Variants in PKNOX1 observed in about 807,000 individuals in gnomAD.
The protein encoded by PKNOX1 is homeobox protein PKNOX1.
In PKNOX1, 15 loss-of-function variants were observed where a neutral mutation model predicts 51.9. The ratio of observed to expected loss-of-function variants is 0.29; its 90% CI spans 0.19 to 0.45. The LOEUF is 0.45. Ranked by LOEUF, PKNOX1 falls within the 20% of genes least tolerant of loss-of-function variation. The pLI is 1.00. For synonymous variants in PKNOX1, 219 were observed against 211.1 expected (o/e 1.04, Z -0.32); for missense variants, 462 against 547.5 (o/e 0.84, Z 1.56).
intron 5 of PKNOX1, among the ~76,000 whole-genome samples, chr21:43,016,085 C>T (rs1979475691): frequency 6.6e-6 from 1 of 152,224 alleles, no homozygotes; most frequent in African/African-American, 2.4e-5. Context: ...TAAGCTTACA[C>T]ATTCCGCTCG....
intron 1 of PKNOX1, among the ~76,000 whole-genome samples, chr21:43,001,631 CAT>C (rs1367404962): frequency 6.6e-6 from 1 of 152,170 alleles, no homozygotes; most frequent in Non-Finnish European, 1.5e-5. Flanking sequence ...TGAATGGTCT[CAT>C]AAAGTCTTAA....
intron 8 of PKNOX1, among the ~76,000 whole-genome samples, chr21:43,023,700 C>T (rs234717): frequency 0.24 from 36,203 of 151,624 alleles, 4,728 homozygotes; most frequent in Non-Finnish European, 0.29. Context: ...CTGCAACCTC[C>T]GCTTCCTGGG....
chr21:42,998,269 C>T (rs1040947993), intron 1 of PKNOX1, among the ~76,000 whole-genome samples: 13 of 152,116 alleles, frequency 8.5e-5, no homozygotes, highest in African/African-American at 2.2e-4. Flanking sequence ...GGGACTTATT[C>T]GCTATCATGA....
chr21:43,007,588 C>G lies in PKNOX1; in HGVS notation c.149C>G (p.Pro50Arg), dbSNP rs371041625. The G allele has an allele frequency of 6.2e-7, 1 of 1,614,012 alleles. No homozygotes were observed. The highest frequency in any genetic ancestry group is 1.3e-5 in the African/African-American group (1 of 74,902). The change falls in exon 3 of 11, where the codon CCG becomes CGG. Residue 50 changes from proline to arginine, a missense_variant. Around this residue, in one of 5 missense-constraint regions of PKNOX1, gnomAD observed 129 missense variants for 133.4 expected, o/e 0.97. Transcript: ENST00000291547. ...CCTCCCCCTGTGGAGTCTCAGACCC[C>G]GATGGATGTGGACAAGCAGGCCATT... ...VSPPPVESQT[P>R]MDVDKQAIYR...
intron 5 of PKNOX1, among the ~76,000 whole-genome samples, chr21:43,015,387 T>C (rs931516071): frequency 5.3e-5 from 8 of 152,264 alleles, no homozygotes; most frequent in Admixed American, 5.2e-4. Flanking sequence ...TTACATGGAT[T>C]GGTTTTTTGA....
At chr21:43,028,617 G>A in intron 9 of PKNOX1, 85 bp from the exon 10 acceptor site, 1 of 1,255,282 alleles carries the variant, frequency 8.0e-7, no homozygotes, top group Non-Finnish European at 1.1e-6. Flanking sequence ...TCGTAGAGCA[G>A]CGTGTTTGTT....
chr21:42,996,180 C>T (rs977937874), intron 1 of PKNOX1, among the ~76,000 whole-genome samples: 1 of 152,118 alleles, frequency 6.6e-6, no homozygotes, highest in Non-Finnish European at 1.5e-5. Flanking sequence ...GTACTCCAGC[C>T]TAGGTGACAG....
intron 1 of PKNOX1, among the ~76,000 whole-genome samples, chr21:42,975,465 C>T (rs916320804): frequency 3.3e-5 from 5 of 152,210 alleles, no homozygotes; most frequent in African/African-American, 1.2e-4. Flanking sequence ...TAATGGATGA[C>T]AGGAAGTGCC....
rs376485356 is a variant in PKNOX1 at position 43,032,154 on chromosome 21, C to T, written c.*2053C>T. 4.1e-4 allele frequency: 185 copies of T among 456,198 alleles called. No homozygotes were observed. The highest frequency in any genetic ancestry group is 3.3e-3 in the African/African-American group (165 of 50,186). The allele number at this position is 456,198 out of a possible 1,614,324, so 28.3% of individuals were successfully genotyped here. Reference sequence around the variant, plus strand: ...GGATTACAGGTGTGAGCCACCGCGCCCGGCCGAGAATGACATCTTAAAGCC... The same window carrying T: ...GGATTACAGGTGTGAGCCACCGCGCTCGGCCGAGAATGACATCTTAAAGCC... On this transcript the variant is annotated 3_prime_UTR_variant, in exon 11 of 11. Transcript: ENST00000291547.
intron 2 of PKNOX1, among the ~76,000 whole-genome samples, chr21:43,007,046 G>A (rs934235664): frequency 5.9e-5 from 9 of 152,212 alleles, no homozygotes; most frequent in African/African-American, 2.2e-4. Flanking sequence ...GCTGAGGTTT[G>A]AGGGTAGATA....
chr21:42,978,889 A>G (rs1170308183), intron 1 of PKNOX1, among the ~76,000 whole-genome samples: 1 of 151,900 alleles, frequency 6.6e-6, no homozygotes, highest in African/African-American at 2.4e-5. Context: ...GGCATGATCC[A>G]CTGTTCCTGG....
chr21:43,030,254 C>T lies in PKNOX1; in HGVS notation c.*153C>T, dbSNP rs1198383327. On this transcript the variant is annotated 3_prime_UTR_variant, in exon 11 of 11. Transcript: ENST00000291547. ...CGCGTCTTTGCCGGTGCAGCGACTTCTTTCAAGTGTGTGTGTGTGTGTGTG... is the reference window on the plus strand; with the variant it reads ...CGCGTCTTTGCCGGTGCAGCGACTTTTTTCAAGTGTGTGTGTGTGTGTGTG... 3.4e-6 allele frequency: 2 copies of T among 586,304 alleles called. No homozygotes were observed. Among genetic ancestry groups the T allele is most frequent in the South Asian group, 2.4e-5 (1 of 41,918 alleles). The allele number at this position is 586,304 out of a possible 1,614,324, so 36.3% of individuals were successfully genotyped here.
At chr21:43,001,763 G>A (rs547476037) in intron 1 of PKNOX1, among the ~76,000 whole-genome samples, 37 of 151,962 alleles carry the variant, frequency 2.4e-4, no homozygotes, top group Non-Finnish European at 4.7e-4. Context: ...GATCGAGACC[G>A]TCCTGGCTAA....
At chr21:42,993,741 TTTTTTTTTTGA>T (rs1568891748) in intron 1 of PKNOX1, among the ~76,000 whole-genome samples, 17 of 106,262 alleles carry the variant, frequency 1.6e-4, no homozygotes, top group African/African-American at 5.7e-4. Context: ...TTTTCTTTTT[TTTTTTTTTTGA>T]AACAGAGTCT....
intron 1 of PKNOX1, among the ~76,000 whole-genome samples, chr21:42,983,866 TTA>T (rs2059038516): frequency 6.6e-6 from 1 of 152,188 alleles, no homozygotes; most frequent in Admixed American, 6.5e-5. Flanking sequence ...ACTTATTTTC[TTA>T]TGTGTTGTTG....
At chr21:42,976,277 A>G (rs2058997175) in intron 1 of PKNOX1, among the ~76,000 whole-genome samples, 1 of 152,242 alleles carries the variant, frequency 6.6e-6, no homozygotes. Context: ...TAATTAAAAA[A>G]TATTTTAGTG....
At chr21:43,029,279 G>A (rs234731) in intron 10 of PKNOX1, among the ~76,000 whole-genome samples, 47,928 of 151,882 alleles carry the variant, frequency 0.32, 8,043 homozygotes, top group African/African-American at 0.39. Context: ...GTTTTTGCTT[G>A]TTCCCTGTGG....
At chr21:42,993,723 CTCTTTTTTTTTCT>C (rs1568891694) in intron 1 of PKNOX1, among the ~76,000 whole-genome samples, 3 of 102,840 alleles carry the variant, frequency 2.9e-5, no homozygotes, top group Non-Finnish European at 5.6e-5. Context: ...TATTCGTTAA[CTCTTTTTTTTTCT>C]TTTTTTTTTT....
intron 1 of PKNOX1, among the ~76,000 whole-genome samples, chr21:42,975,778 C>G (rs1223089512): frequency 3.3e-5 from 5 of 152,240 alleles, no homozygotes; most frequent in Non-Finnish European, 7.3e-5. Flanking sequence ...GTGGGGTTCT[C>G]TTCCAACTCT....
Sources: gnomAD v4.1 joint callset for allele counts (sites outside exome capture counted in the v4.1 genomes callset) on GRCh38, gnomAD v4.1.1 for gene constraint, gnomAD v4.1.1 regional missense constraint, MANE v1.5 for transcripts, NCBI Gene and HGNC (gene_info 2026-07-23, HGNC 2026-07-21) for gene names.